Variants in TET2 observed in about 807,000 individuals in gnomAD.
TET2 encodes methylcytosine dioxygenase TET2.
A neutral mutation model predicts 142.9 loss-of-function variants in TET2; 299 were observed. The observed-to-expected ratio is 2.09, with a 90% CI of 1.90 to 2.30. The LOEUF (loss-of-function observed/expected upper bound fraction) is 2.30. Among genes scored for constraint, TET2 ranks in the 30% most tolerant of loss-of-function variants. The probability of loss-of-function intolerance (pLI) is 0.00; values close to 1 mark genes in which losing one functional copy is unlikely to be tolerated. For synonymous variants in TET2, 819 were observed against 849.0 expected (o/e 0.96, Z 0.61); for missense variants, 2,418 against 2,378.0 (o/e 1.02, Z -0.35).
At position 105,236,239 on chromosome 4, in the gene TET2, AC is replaced by A; in HGVS notation, c.2298del (p.Asn766LysfsTer47). On this transcript the variant is annotated frameshift_variant, in exon 3 of 11. Coordinates refer to ENST00000380013, the MANE Select transcript of TET2 (RefSeq NM_001127208.3). LOFTEE classifies it high-confidence loss of function. ...ILQTFPHPQS[N>X]NDQQREGSFF... The stretch of plus-strand genomic sequence containing the variant: ...CAGACTTTTCCTCACCCCCAAAGCA[AC>A]AATGATCAGCAAAGAGAAGGATCAT... The A allele has an allele frequency of 6.2e-7, 1 of 1,614,172 alleles. No homozygotes were observed. Among genetic ancestry groups the A allele is most frequent in the Non-Finnish European group, 8.5e-7 (1 of 1,180,032 alleles).
rs2110220131 is a variant in TET2 at position 105,234,166 on chromosome 4, G to A, written c.224G>A (p.Ser75Asn). 1.2e-6 allele frequency: 2 copies of A among 1,614,170 alleles called. No individual in the cohort carries two copies. The highest frequency in any genetic ancestry group is 2.2e-5 in the South Asian group (2 of 91,086). The change falls in exon 3 of 11, where the codon AGT becomes AAT. Residue 75 changes from serine to asparagine, a missense_variant. Coordinates refer to ENST00000380013, the MANE Select transcript of TET2 (RefSeq NM_001127208.3). ...CMKGSQNSRV[S>N]PDFTQESRGY... Reference sequence around the variant, plus strand: ...AAGGGAAGCCAGAATAGTCGTGTGAGTCCTGACTTTACACAAGAAAGTAGA... The same window carrying A: ...AAGGGAAGCCAGAATAGTCGTGTGAATCCTGACTTTACACAAGAAAGTAGA...
At chr4:105,266,466 A>G (rs553713996) in intron 8 of TET2, among the ~76,000 whole-genome samples, 266 of 152,302 alleles carry the variant, frequency 1.7e-3, no homozygotes, top group African/African-American at 6.1e-3. Context: ...AAATCAATCA[A>G]TAAAAATAGT....
At position 105,243,618 on chromosome 4, in the gene TET2, G is replaced by A. The variant is rs2110254788; in HGVS notation, c.3643G>A (p.Glu1215Lys). Residue 1215 changes from glutamate (E) to lysine (K), a missense_variant, in exon 6 of 11, where the codon GAG becomes AAG. By Grantham distance (56) the Glu-to-Lys change is moderately conservative. Transcript: ENST00000380013. Reference protein sequence around the residue: ...SEEKLLCLVRERAGHTCEAAV... With the variant: ...SEEKLLCLVRKRAGHTCEAAV... ...AGAGAAGCTACTGTGTTTGGTGCGG[G>A]AGCGAGCTGGCCACACCTGTGAGGC... 6.4e-7 allele frequency: 1 copy of A among 1,551,616 alleles called. No individual in the cohort carries two copies. The highest frequency in any genetic ancestry group is 8.7e-7 in the Non-Finnish European group (1 of 1,146,964).
intron 1 of TET2, among the ~76,000 whole-genome samples, chr4:105,169,745 T>G (rs187137173): frequency 1.3e-5 from 2 of 152,358 alleles, no homozygotes; most frequent in Admixed American, 1.3e-4. Context: ...CCATCTTGAG[T>G]TGATTTTTAT....
At chr4:105,260,738 A>G (rs541008827) in intron 7 of TET2, among the ~76,000 whole-genome samples, 24 of 152,276 alleles carry the variant, frequency 1.6e-4, no homozygotes, top group African/African-American at 5.3e-4. Flanking sequence ...AAACTCCTGA[A>G]ATCACAGTAT....
chr4:105,200,730 G>A (rs759412979), intron 2 of TET2, among the ~76,000 whole-genome samples: 37 of 151,856 alleles, frequency 2.4e-4, no homozygotes, highest in Non-Finnish European at 3.7e-4. Context: ...ATACAATCTT[G>A]GCTCATTGCA....
intron 3 of TET2, 49 bp from the exon 4 acceptor site, chr4:105,241,290 A>AT: frequency 1.3e-6 from 2 of 1,501,452 alleles, no homozygotes; most frequent in Non-Finnish European, 1.8e-6. Context: ...TAGCCTTTAT[A>AT]TTTAGTATAA....
rs1451040956 is a variant in TET2 at position 105,160,937 on chromosome 4, GGC to G, written c.-193+13959_-193+13960del. Among the ~76,000 whole-genome samples the G allele has an allele frequency of 2.0e-5, 3 of 152,026 alleles. No individual in the cohort carries two copies. The East Asian group carries it at 5.8e-4, about 29-fold the overall frequency. On this transcript the variant is annotated intron_variant, in intron 1 of 10. Transcript: ENST00000380013. ...ATTACAGGCACTCGCCACCACGCCC[GGC>G]TAATTTTTGTATTTTTAGTAGAGGC...
At chr4:105,269,575 C>G in intron 8 of TET2, 35 bp from the exon 9 acceptor site, 1 of 1,547,996 alleles carries the variant, frequency 6.5e-7, no homozygotes, top group South Asian at 1.2e-5. Context: ...GTAAAACTAA[C>G]TACTTTCGCA....
chr4:105,268,261 A>G (rs750204513), intron 8 of TET2, among the ~76,000 whole-genome samples: 4 of 152,210 alleles, frequency 2.6e-5, no homozygotes, highest in Non-Finnish European at 5.9e-5. Flanking sequence ...ATTTTTATAT[A>G]CTAGCAATAA....
At chr4:105,158,550 T>A (rs1723677360) in intron 1 of TET2, among the ~76,000 whole-genome samples, 1 of 152,202 alleles carries the variant, frequency 6.6e-6, no homozygotes. Context: ...TAATTGGGTG[T>A]AAATTATAAC....
intron 2 of TET2, among the ~76,000 whole-genome samples, chr4:105,230,268 TC>T (rs1455783990): frequency 5.9e-5 from 9 of 152,318 alleles, no homozygotes; most frequent in African/African-American, 2.2e-4. Flanking sequence ...GGTCTAGAAC[TC>T]CTGGCCTCAG....
At chr4:105,205,814 A>G (rs1726784853) in intron 2 of TET2, among the ~76,000 whole-genome samples, 1 of 151,884 alleles carries the variant, frequency 6.6e-6, no homozygotes, top group African/African-American at 2.4e-5. Flanking sequence ...TTCTATTTTT[A>G]GTAGAGACGG....
At chr4:105,229,706 C>A (rs1728393751) in intron 2 of TET2, among the ~76,000 whole-genome samples, 1 of 150,588 alleles carries the variant, frequency 6.6e-6, no homozygotes, top group Non-Finnish European at 1.5e-5. Context: ...TGCTTTTCTC[C>A]AGCTGCCCCA....
chr4:105,159,701 C>T (rs1197413211), intron 1 of TET2, among the ~76,000 whole-genome samples: 1 of 152,166 alleles, frequency 6.6e-6, no homozygotes, highest in Non-Finnish European at 1.5e-5. Context: ...ATACCTGCCT[C>T]CCAGCCTCAC....
chr4:105,224,463 T>C (rs1337579129), intron 2 of TET2, among the ~76,000 whole-genome samples: 1 of 152,118 alleles, frequency 6.6e-6, no homozygotes, highest in Non-Finnish European at 1.5e-5. Flanking sequence ...TCACAGATGC[T>C]GCCAATGCGA....
rs1378108063 is a variant in TET2 at position 105,234,303 on chromosome 4, G to A, written c.361G>A (p.Glu121Lys). ...GAAACAAGACCAAAAGGCTAATGGA[G>A]AAAGACGTAACTTCGGGGTAAGCCA... is the stretch of plus-strand genomic sequence containing the variant. ...KLKQDQKANG[E>K]RRNFGVSQER... The change falls in exon 3 of 11, where the codon GAA (glutamate) becomes AAA (lysine). Residue 121 changes from glutamate (E) to lysine (K), a missense_variant. Transcript: ENST00000380013. 6.2e-7 allele frequency: 1 copy of A among 1,614,126 alleles called. No homozygotes were observed. Among genetic ancestry groups the A allele is most frequent in the South Asian group, 1.1e-5 (1 of 91,082 alleles).
chr4:105,192,998 T>A (rs1725873468), intron 2 of TET2, among the ~76,000 whole-genome samples: 1 of 152,204 alleles, frequency 6.6e-6, no homozygotes, highest in Non-Finnish European at 1.5e-5. Context: ...AAAGGTTTTA[T>A]GCAGAGTGAT....
chr4:105,264,233 A>T (rs1002304422), intron 8 of TET2, among the ~76,000 whole-genome samples: 31 of 152,244 alleles, frequency 2.0e-4, no homozygotes, highest in African/African-American at 6.7e-4. Flanking sequence ...CACTATTAAT[A>T]GTTGGATTAA....
Sources: allele counts gnomAD v4.1 joint callset (sites outside exome capture counted in the v4.1 genomes callset), GRCh38; gene constraint gnomAD v4.1.1; transcripts MANE v1.5; gene names NCBI Gene and HGNC (gene_info 2026-07-23, HGNC 2026-07-21).